CSMD2: variants seen among roughly 807,000 people sequenced by gnomAD.
CSMD2 encodes the protein CUB and sushi domain-containing protein 2.
CSMD2 carries 130 observed loss-of-function variants against 398.5 expected under a neutral mutation model. The observed-to-expected ratio is 0.33, with a 90% CI of 0.28 to 0.38. The LOEUF is 0.38. Ranked by LOEUF, CSMD2 falls within the 10% of genes least tolerant of loss-of-function variation. CSMD2 has a pLI of 1.00. For missense variants in CSMD2, 3,829 were observed against 4,764.9 expected (o/e 0.80, Z 5.78); for synonymous variants, 1,828 against 1,908.5 (o/e 0.96, Z 1.10).
At chr1:33,610,245 C>G (rs1024196640) in intron 41 of CSMD2, among the ~76,000 whole-genome samples, 1 of 141,876 alleles carries the variant, frequency 7.0e-6, no homozygotes, top group African/African-American at 2.7e-5. Flanking sequence ...TTTTTTTTTA[C>G]AAACATGAAT....
chr1:34,005,135 G>A (rs1040396070), intron 3 of CSMD2, among the ~76,000 whole-genome samples: 5 of 152,178 alleles, frequency 3.3e-5, no homozygotes, highest in Admixed American at 2.0e-4. Flanking sequence ...TTAGATACGA[G>A]AGAGAGAAAT....
intron 13 of CSMD2, among the ~76,000 whole-genome samples, chr1:33,757,478 A>T: frequency 6.6e-6 from 1 of 152,100 alleles, no homozygotes; most frequent in East Asian, 1.9e-4. Context: ...GTTCCCTGGC[A>T]TTAACAAATG....
Position 33,611,161 on chromosome 1 carries a change from T to A in CSMD2, c.6223A>T (p.Met2075Leu), listed in dbSNP as rs964289180. 5 of 1,613,916 alleles carry A rather than the reference T, an allele frequency of 3.1e-6. No homozygotes were observed. The highest frequency in any genetic ancestry group is 1.7e-5 in the Admixed American group (1 of 59,982). The change falls in exon 41 of 71, where the codon ATG becomes TTG. Residue 2075 changes from methionine to leucine, a missense_variant. By Grantham distance (15) the Met-to-Leu change is conservative. Around this residue, in one of 5 missense-constraint regions of CSMD2, gnomAD observed 2,001 missense variants for 2,567.1 expected, o/e 0.78. Coordinates refer to ENST00000373381, the MANE Select transcript of CSMD2 (RefSeq NM_001281956.2). ...RNGPYETSRM[M>L]GRFSGSELPS... ...AGCTCGCTTCCACTGAATCTTCCCA[T>A]CATGCGGCTGGTCTCATAGGGGCCA... is the stretch of plus-strand genomic sequence containing the variant.
rs780301659 is a variant in CSMD2, at chr1:33,541,226, G to T, written c.9361C>A (p.Gln3121Lys). Residue 3121 changes from glutamine to lysine, a missense_variant, in exon 59 of 71, where the codon CAG becomes AAG. Physicochemically the swap from Gln to Lys is moderately conservative, Grantham distance 53. Coordinates refer to ENST00000373381, the MANE Select transcript of CSMD2 (RefSeq NM_001281956.2). ...TCCATCATATAGCCAGGGACACACT[G>T]ATATGTCACAGTTTTGTTGTACCTG... The part of the protein sequence containing the change: ...DFRYNKTVTY[Q>K]CVPGYMMESH... 6.2e-7 allele frequency: 1 copy of T among 1,613,978 alleles called. No individual in the cohort carries two copies. The highest frequency in any genetic ancestry group is 1.1e-5 in the South Asian group (1 of 91,062).
chr1:33,566,084 C>A (rs1659027330), intron 53 of CSMD2, among the ~76,000 whole-genome samples: 1 of 148,868 alleles, frequency 6.7e-6, no homozygotes. Context: ...TACACATAAT[C>A]AGAGCTGATG....
intron 64 of CSMD2, among the ~76,000 whole-genome samples, chr1:33,532,076 G>C (rs958400583): frequency 6.6e-6 from 1 of 152,262 alleles, no homozygotes; most frequent in Middle Eastern, 3.4e-3. Flanking sequence ...ATAAAACACC[G>C]TTAGTAAGTT....
At chr1:33,716,723 T>A (rs1646183820) in intron 19 of CSMD2, among the ~76,000 whole-genome samples, 1 of 152,208 alleles carries the variant, frequency 6.6e-6, no homozygotes, top group Non-Finnish European at 1.5e-5. Context: ...AGTTCTTCTT[T>A]TACAGTTCTA....
chr1:33,532,956 A>G, intron 64 of CSMD2, 94 bp downstream of exon 64: 8 of 1,129,582 alleles, frequency 7.1e-6, no homozygotes, highest in South Asian at 3.2e-5. Context: ...TTGAAACGCA[A>G]TTCCTTCCTT....
At chr1:33,982,259 C>T (rs574618178) in intron 3 of CSMD2, among the ~76,000 whole-genome samples, 1 of 152,032 alleles carries the variant, frequency 6.6e-6, no homozygotes, top group South Asian at 2.1e-4. Context: ...AGAGGAGAAC[C>T]AGGGCGGGAG....
intron 3 of CSMD2, among the ~76,000 whole-genome samples, chr1:33,956,579 C>G (rs1645176573): frequency 6.6e-6 from 1 of 152,142 alleles, no homozygotes. Context: ...TCTATCTACC[C>G]TCTTGCTCAG....
At chr1:34,083,092 A>G (rs1657442166) in intron 2 of CSMD2, among the ~76,000 whole-genome samples, 1 of 152,120 alleles carries the variant, frequency 6.6e-6, no homozygotes, top group Non-Finnish European at 1.5e-5. Context: ...AAAAAAAAAA[A>G]AAAAGAAATC....
intron 2 of CSMD2, among the ~76,000 whole-genome samples, chr1:34,062,854 G>C (rs543053511): frequency 6.6e-6 from 1 of 152,240 alleles, no homozygotes; most frequent in South Asian, 2.1e-4. Flanking sequence ...GAGTGTATTA[G>C]TCCGTTTTCA....
chr1:33,579,528 G>A (rs1217244999), intron 48 of CSMD2, among the ~76,000 whole-genome samples: 1 of 152,022 alleles, frequency 6.6e-6, no homozygotes, highest in African/African-American at 2.4e-5. Context: ...GCTCTCCCCT[G>A]AAAGCTACAC....
chr1:33,905,950 T>C (rs1643062163), intron 5 of CSMD2, among the ~76,000 whole-genome samples: 1 of 152,342 alleles, frequency 6.6e-6, no homozygotes, highest in South Asian at 2.1e-4. Flanking sequence ...AGTTGGAAAT[T>C]ATGTATAGCA....
chr1:34,119,415 CA>C (rs1210823645), intron 1 of CSMD2, among the ~76,000 whole-genome samples: 1 of 152,120 alleles, frequency 6.6e-6, no homozygotes, highest in Admixed American at 6.5e-5. Flanking sequence ...CAAAAATAGA[CA>C]AACGAAACTA....
intron 62 of CSMD2, among the ~76,000 whole-genome samples, chr1:33,535,852 C>T (rs568816697): frequency 2.6e-5 from 4 of 152,274 alleles, no homozygotes; most frequent in East Asian, 1.9e-4. Flanking sequence ...TCATGGAGGC[C>T]GTAGTTCAAA....
chr1:34,100,617 C>T (rs943655318), intron 1 of CSMD2, among the ~76,000 whole-genome samples: 2 of 152,134 alleles, frequency 1.3e-5, no homozygotes, highest in Admixed American at 1.3e-4. Flanking sequence ...AACATTATAA[C>T]GTGAGCATTC....
At chr1:33,655,373 T>C (rs1643916721) in intron 27 of CSMD2, among the ~76,000 whole-genome samples, 1 of 152,270 alleles carries the variant, frequency 6.6e-6, no homozygotes, top group South Asian at 2.1e-4. Flanking sequence ...GTGCTAACTA[T>C]GAGCCAGGCA....
intron 32 of CSMD2, among the ~76,000 whole-genome samples, chr1:33,631,400 G>GATAAA (rs1642459475): frequency 6.6e-6 from 1 of 152,078 alleles, no homozygotes; most frequent in African/African-American, 2.4e-5. Flanking sequence ...AAAAGGAGGA[G>GATAAA]ATAAAATAAT....
Sources: allele counts gnomAD v4.1 joint callset (sites outside exome capture counted in the v4.1 genomes callset), GRCh38; gene constraint gnomAD v4.1.1; regional missense constraint gnomAD v4.1.1; transcripts MANE v1.5; gene names NCBI Gene and HGNC (gene_info 2026-07-23, HGNC 2026-07-21).